PI4KB: variants seen among roughly 807,000 people sequenced by gnomAD.
The protein encoded by PI4KB is phosphatidylinositol 4-kinase beta.
A neutral mutation model predicts 81.4 loss-of-function variants in PI4KB; 23 were observed. That is an observed-to-expected ratio of 0.28 (90% confidence interval 0.20 to 0.40). The LOEUF (loss-of-function observed/expected upper bound fraction) is 0.40, where lower values mean the gene tolerates loss of function less well. Ranked by LOEUF, PI4KB falls within the 10% of genes least tolerant of loss-of-function variation. PI4KB has a pLI of 1.00. For synonymous variants in PI4KB, 381 were observed against 406.8 expected (o/e 0.94, Z 0.76); for missense variants, 651 against 1,036.6 (o/e 0.63, Z 5.11).
intron 2 of PI4KB, among the ~76,000 whole-genome samples, chr1:151,312,283 G>A (rs2101979061): frequency 6.6e-6 from 1 of 152,274 alleles, no homozygotes. Flanking sequence ...ATCCTTGGGA[G>A]CCCCTCTACT....
Position 151,301,718 on chromosome 1 carries a change from G to A in PI4KB, c.1749+126C>T, listed in dbSNP as rs1057029334. Reference sequence around the variant, plus strand: ...GGCCATAATTTTTGTATTTTTAGTAGAGACAGGGTTTCACCATCTTGGCCA... The same window carrying A: ...GGCCATAATTTTTGTATTTTTAGTAAAGACAGGGTTTCACCATCTTGGCCA... On this transcript the variant is annotated intron_variant, in intron 8 of 11. Coordinates refer to ENST00000368873, the MANE Select transcript of PI4KB (RefSeq NM_001369623.2). 3 of 809,394 alleles carry A rather than the reference G, an allele frequency of 3.7e-6. No homozygotes were observed. In the African/African-American group the frequency reaches 5.2e-5, roughly 14 times the overall value. The allele number at this position is 809,394 out of a possible 1,614,324, so 50.1% of individuals were successfully genotyped here. A position where few individuals can be genotyped will look rare whatever the true frequency, so the allele number is the denominator to read the frequency against.
At chr1:151,295,298 T>TAAGGCTAA (rs1238773095) in intron 9 of PI4KB, among the ~76,000 whole-genome samples, 5 of 152,218 alleles carry the variant, frequency 3.3e-5, no homozygotes, top group Non-Finnish European at 7.3e-5. Flanking sequence ...GGCTAAGAGC[T>TAAGGCTAA]GATGGTCTGA....
chr1:151,310,118 G>T, intron 3 of PI4KB, 93 bp downstream of exon 3: 1 of 879,736 alleles, frequency 1.1e-6, no homozygotes, highest in Non-Finnish European at 1.9e-6. Flanking sequence ...TTTAACTCCA[G>T]CCTTGGCCTG....
At chr1:151,311,701 G>A (rs1469618752) in intron 2 of PI4KB, among the ~76,000 whole-genome samples, 2 of 152,204 alleles carry the variant, frequency 1.3e-5, no homozygotes, top group Non-Finnish European at 2.9e-5. Flanking sequence ...CTCATTGACA[G>A]CCCTGGGGGA....
intron 11 of PI4KB, chr1:151,293,386 C>T (rs1460704703): frequency 1.1e-5 from 15 of 1,306,958 alleles, no homozygotes; most frequent in Admixed American, 2.4e-5. Flanking sequence ...GCCTATGCTA[C>T]GTCTGACACT....
intron 1 of PI4KB, among the ~76,000 whole-genome samples, chr1:151,323,749 AAAAC>A (rs755916329): frequency 7.9e-5 from 12 of 152,128 alleles, no homozygotes; most frequent in East Asian, 7.7e-4. Flanking sequence ...AACAACAACA[AAAAC>A]AAACAAAAAA....
At position 151,326,291 on chromosome 1, in the gene PI4KB, C is replaced by G. The variant is rs1649600693; in HGVS notation, c.-29+980G>C. On this transcript the variant is annotated intron_variant, in intron 1 of 11. Coordinates refer to ENST00000368873, the MANE Select transcript of PI4KB (RefSeq NM_001369623.2). The stretch of plus-strand genomic sequence containing the variant: ...ACTTGCTCCGGCCTTCAGAAACACC[C>G]TTCTGTCCTGAACGGCCTGAGGCAG... 5 of 1,088,096 alleles carry G rather than the reference C, an allele frequency of 4.6e-6. No homozygotes were observed. In the South Asian group the frequency reaches 7.5e-5, roughly 16 times the overall value. The allele number at this position is 1,088,096 out of a possible 1,614,324, so 67.4% of individuals were successfully genotyped here. A position where few individuals can be genotyped will look rare whatever the true frequency, so the allele number is the denominator to read the frequency against.
In PI4KB at chr1:151,316,390, C is replaced by T. The variant is rs1466593928; in HGVS notation, c.92G>A (p.Ser31Asn). 7 of 1,602,314 alleles carry T rather than the reference C, an allele frequency of 4.4e-6. No homozygotes were observed. Among genetic ancestry groups the T allele is most frequent in the Non-Finnish European group, 3.4e-6 (4 of 1,174,176 alleles). Reference sequence around the variant, plus strand: ...TTCCCCGACCCCCTCCGTGATGACACTTAGCAGGGACCCCCCATTATTCCC... The same window carrying T: ...TTCCCCGACCCCCTCCGTGATGACATTTAGCAGGGACCCCCCATTATTCCC... ...PPGNNGGSLL[S>N]VITEGVGELS... is the part of the protein sequence containing the mutation. Residue 31 changes from serine (S) to asparagine (N), a missense_variant, in exon 2 of 12, where the codon AGT becomes AAT. By Grantham distance (46) the Ser-to-Asn change is conservative. Coordinates refer to ENST00000368873, the MANE Select transcript of PI4KB (RefSeq NM_001369623.2).
Position 151,315,744 on chromosome 1 carries a change from C to G in PI4KB, c.738G>C (p.Lys246Asn). The G allele has an allele frequency of 6.2e-7, 1 of 1,613,850 alleles. No homozygotes were observed. Among genetic ancestry groups the G allele is most frequent in the South Asian group, 1.1e-5 (1 of 91,058 alleles). The change falls in exon 2 of 12, where the codon AAG becomes AAC. Residue 246 changes from lysine (K) to asparagine (N), a missense_variant. By Grantham distance (94) the Lys-to-Asn change is moderately conservative (BLOSUM62 0). This residue lies in a region of PI4KB where 314 missense variants were observed against 397.8 expected (regional missense o/e 0.79). Coordinates refer to ENST00000368873, the MANE Select transcript of PI4KB (RefSeq NM_001369623.2). ...LRKLILSDELKPAHRKRELPS... is the reference protein window; with the variant it reads ...LRKLILSDELNPAHRKRELPS... ...GCAGCTCCCTCTTCCTGTGAGCTGG[C>G]TTTAGCTCATCTGAGAGGATCAGCT... is the stretch of plus-strand genomic sequence containing the variant.
At chr1:151,304,422 C>G (rs959049474) in intron 5 of PI4KB, among the ~76,000 whole-genome samples, 1 of 150,126 alleles carries the variant, frequency 6.7e-6, no homozygotes. Flanking sequence ...CGGCTCACTG[C>G]GACCTCCGCC....
intron 5 of PI4KB, among the ~76,000 whole-genome samples, chr1:151,304,914 C>T (rs1695628993): frequency 6.6e-6 from 1 of 151,732 alleles, no homozygotes; most frequent in Non-Finnish European, 1.5e-5. Flanking sequence ...ACTGCAACCT[C>T]CGCCTCCTGG....
In PI4KB at chr1:151,307,554, T is replaced by C; in HGVS notation, c.1182+20A>G. ...GAAGAGTCACGTCCAGGGTAGGGGT[T>C]TGGGCCAGAACCCATCTACCTTGTC... On this transcript the variant is annotated intron_variant, in intron 4 of 11. Coordinates refer to ENST00000368873, the MANE Select transcript of PI4KB (RefSeq NM_001369623.2). The C allele has an allele frequency of 1.9e-6, 3 of 1,561,652 alleles. No individual in the cohort carries two copies. Among genetic ancestry groups the C allele is most frequent in the Non-Finnish European group, 2.6e-6 (3 of 1,132,904 alleles).
intron 1 of PI4KB, among the ~76,000 whole-genome samples, chr1:151,325,377 T>A (rs1307415654): frequency 6.6e-6 from 1 of 152,078 alleles, no homozygotes; most frequent in Non-Finnish European, 1.5e-5. Context: ...TAAGATGACA[T>A]AACTACTCCC....
At chr1:151,307,947 G>A (rs1457267804) in intron 3 of PI4KB, 146 bp from the exon 4 acceptor site, 1 of 632,940 alleles carries the variant, frequency 1.6e-6, no homozygotes, top group Non-Finnish European at 2.8e-6. Context: ...GTCTTAGTAG[G>A]AGCTTCCACC....
intron 1 of PI4KB, among the ~76,000 whole-genome samples, chr1:151,322,763 C>A (rs1057046239): frequency 1.3e-5 from 2 of 152,038 alleles, no homozygotes; most frequent in Non-Finnish European, 2.9e-5. Context: ...AAGAGACAGG[C>A]TCTTACTCTG....
intron 3 of PI4KB, among the ~76,000 whole-genome samples, chr1:151,308,943 C>G (rs1191040958): frequency 6.6e-6 from 1 of 152,168 alleles, no homozygotes; most frequent in African/African-American, 2.4e-5. Context: ...TGGGGAGTAT[C>G]AGGCCTACCT....
intron 5 of PI4KB, among the ~76,000 whole-genome samples, 157 bp downstream of exon 5, chr1:151,305,979 G>A (rs893172072): frequency 6.6e-6 from 1 of 152,120 alleles, no homozygotes; most frequent in Admixed American, 6.6e-5. Flanking sequence ...GGCTAGAGTT[G>A]TTCAGAGCTT....
At chr1:151,298,553 T>C (rs1694991187) in intron 9 of PI4KB, 1 of 509,702 alleles carries the variant, frequency 2.0e-6, no homozygotes, top group Non-Finnish European at 3.5e-6. Context: ...CATTTTCCCT[T>C]GTCCTTGAAG....
rs1467448223 is a variant in PI4KB, at chr1:151,294,390, C to T, written c.2148+19G>A. 1 of 1,613,204 alleles carries T rather than the reference C, an allele frequency of 6.2e-7. No individual in the cohort carries two copies. Among genetic ancestry groups the T allele is most frequent in the Admixed American group, 1.7e-5 (1 of 59,958 alleles). On this transcript the variant is annotated intron_variant, in intron 10 of 11. Coordinates refer to ENST00000368873, the MANE Select transcript of PI4KB (RefSeq NM_001369623.2). ...AGAATACAATGACCCCCGAGAGGCA[C>T]CTCTCCTTCTTGACTCACATCCACA...
Sources: allele counts gnomAD v4.1 joint callset (sites outside exome capture counted in the v4.1 genomes callset), GRCh38; gene constraint gnomAD v4.1.1; regional missense constraint gnomAD v4.1.1; transcripts MANE v1.5; gene names NCBI Gene and HGNC (gene_info 2026-07-23, HGNC 2026-07-21).